RGS22: variants seen among roughly 807,000 people sequenced by gnomAD.
RGS22 encodes regulator of G-protein signaling 22.
Under a neutral mutation model 172.9 loss-of-function variants are expected in RGS22, and 148 were observed. The ratio of observed to expected loss-of-function variants is 0.86; its 90% CI spans 0.75 to 0.98. RGS22 has a LOEUF of 0.98. Ranked by LOEUF, RGS22 falls within the 50% of genes least tolerant of loss-of-function variation. RGS22 has a pLI of 0.00. For missense variants in RGS22, 1,347 were observed against 1,440.8 expected (o/e 0.93, Z 1.05); for synonymous variants, 458 against 480.2 (o/e 0.95, Z 0.60).
chr8:100,009,147 G>A (rs1265898779), intron 14 of RGS22, among the ~76,000 whole-genome samples: 1 of 152,086 alleles, frequency 6.6e-6, no homozygotes, highest in Non-Finnish European at 1.5e-5. Flanking sequence ...GCCAGGTGCA[G>A]TGGCTCATGC....
chr8:100,100,112 C>T (rs3116077), intron 2 of RGS22, among the ~76,000 whole-genome samples: 24,910 of 151,984 alleles, frequency 0.16, 2,743 homozygotes, highest in African/African-American at 0.31. Context: ...CCCCCACAGA[C>T]ACTGAAATCT....
At chr8:99,985,585 A>G (rs1588906790) in intron 21 of RGS22, among the ~76,000 whole-genome samples, 1 of 152,206 alleles carries the variant, frequency 6.6e-6, no homozygotes. Flanking sequence ...AGTGTGTTGT[A>G]TTCACCTTTT....
intron 10 of RGS22, among the ~76,000 whole-genome samples, chr8:100,051,902 TATTTATATATTTATATATAA>T (rs1821583777): frequency 1.8e-5 from 1 of 55,930 alleles, no homozygotes; most frequent in Admixed American, 3.7e-4. Context: ...AATGTTTATA[TATTTATATATTTATATATAA>T]ATGTTTATAT....
chr8:99,961,345 A>G (rs1810168468), intron 27 of RGS22, 149 bp from the exon 28 acceptor site: 1 of 349,796 alleles, frequency 2.9e-6, no homozygotes, highest in African/African-American at 2.1e-5. Flanking sequence ...AGTTCCCATA[A>G]TTCCCACATG....
chr8:99,996,898 T>C (rs1373205588), intron 19 of RGS22, among the ~76,000 whole-genome samples: 1 of 152,210 alleles, frequency 6.6e-6, no homozygotes, highest in Non-Finnish European at 1.5e-5. Flanking sequence ...TAAAAGTTAC[T>C]CAACATGGAA....
intron 23 of RGS22, among the ~76,000 whole-genome samples, chr8:99,966,373 C>T (rs1810734919): frequency 6.6e-6 from 1 of 151,918 alleles, no homozygotes; most frequent in Non-Finnish European, 1.5e-5. Flanking sequence ...CAGACTTTAC[C>T]ACACACAACA....
Position 100,080,275 on chromosome 8 carries a change from T to A in RGS22, c.198A>T (p.Lys66Asn), listed in dbSNP as rs748929973. Residue 66 changes from lysine to asparagine, a missense_variant, in exon 4 of 28, where the codon AAA (lysine) becomes AAT (asparagine). By Grantham distance (94) the Lys-to-Asn change is moderately conservative. Coordinates refer to ENST00000360863, the MANE Select transcript of RGS22 (RefSeq NM_015668.5). ...GGTTTTGTAGAATTTTTTTCAGTTGTTTTTCCAGAAATTGTGGAGCATCAT... is the reference window on the plus strand; with the variant it reads ...GGTTTTGTAGAATTTTTTTCAGTTGATTTTCCAGAAATTGTGGAGCATCAT... ...VANDAPQFLE[K>N]QLKKILQNQQ... 1.2e-6 allele frequency: 2 copies of A among 1,613,922 alleles called. No individual in the cohort carries two copies. Among genetic ancestry groups the A allele is most frequent in the Non-Finnish European group, 1.7e-6 (2 of 1,179,850 alleles).
intron 4 of RGS22, among the ~76,000 whole-genome samples, chr8:100,074,924 C>T (rs533179899): frequency 3.9e-5 from 6 of 152,078 alleles, no homozygotes; most frequent in East Asian, 3.9e-4. Flanking sequence ...CCCACCACCA[C>T]GCCCGGCTAA....
chr8:99,982,373 G>A (rs1310482680), intron 21 of RGS22, among the ~76,000 whole-genome samples: 1 of 152,106 alleles, frequency 6.6e-6, no homozygotes, highest in Non-Finnish European at 1.5e-5. Flanking sequence ...CTAGGCAAAG[G>A]AATGACATTA....
At chr8:99,961,823 C>G (rs1313370530) in intron 27 of RGS22, among the ~76,000 whole-genome samples, 1 of 152,106 alleles carries the variant, frequency 6.6e-6, no homozygotes, top group Non-Finnish European at 1.5e-5. Flanking sequence ...GCCTACTCAT[C>G]AAACCTCCCA....
rs1810383291 is a variant in RGS22 at position 99,963,063 on chromosome 8, T to C, written c.3616-85A>G. 4 of 1,073,952 alleles carry C rather than the reference T, an allele frequency of 3.7e-6. No individual in the cohort carries two copies. In the East Asian group the frequency reaches 1.1e-4, roughly 29 times the overall value. 66.5% of individuals were successfully genotyped at this position (1,073,952 alleles called of 1,614,324 possible). ...GATAAGATGTCTTCTATCAGCCTCT[T>C]CATTTAAATTTTTATTAAAGTATAA... On this transcript the variant is annotated intron_variant, in intron 24 of 27. Transcript: ENST00000360863.
intron 6 of RGS22, 146 bp downstream of exon 6, chr8:100,071,223 G>T: frequency 1.7e-6 from 1 of 606,022 alleles, no homozygotes; most frequent in Non-Finnish European, 2.6e-6. Flanking sequence ...GGGAGATGGA[G>T]GCTGCAGTGA....
intron 12 of RGS22, 103 bp from the exon 13 acceptor site, chr8:100,040,190 C>A: frequency 1.0e-6 from 1 of 996,838 alleles, no homozygotes; most frequent in East Asian, 2.7e-5. Flanking sequence ...TGTCATTTTC[C>A]CACTGGACTA....
chr8:100,049,655 G>A (rs1225401170), intron 10 of RGS22, among the ~76,000 whole-genome samples: 1 of 152,116 alleles, frequency 6.6e-6, no homozygotes, highest in Non-Finnish European at 1.5e-5. Flanking sequence ...CTGTACTACA[G>A]CTCCAAGATG....
At chr8:100,031,628 TA>T (rs1200376989) in intron 14 of RGS22, among the ~76,000 whole-genome samples, 1 of 152,114 alleles carries the variant, frequency 6.6e-6, no homozygotes, top group Non-Finnish European at 1.5e-5. Flanking sequence ...TACGTTTACT[TA>T]TTTTTATTTA....
intron 2 of RGS22, among the ~76,000 whole-genome samples, chr8:100,094,386 TG>T (rs1218287151): frequency 6.6e-6 from 1 of 152,218 alleles, no homozygotes; most frequent in Admixed American, 6.5e-5. Context: ...CTTTTTATAC[TG>T]GCCAATTTTT....
At chr8:100,033,891 A>C (rs1292468779) in intron 14 of RGS22, among the ~76,000 whole-genome samples, 1 of 152,230 alleles carries the variant, frequency 6.6e-6, no homozygotes, top group African/African-American at 2.4e-5. Context: ...AGATGCAGGA[A>C]AGGTCTTGGA....
chr8:100,090,682 T>C (rs1252168737), intron 3 of RGS22, among the ~76,000 whole-genome samples: 1 of 152,064 alleles, frequency 6.6e-6, no homozygotes, highest in African/African-American at 2.4e-5. Flanking sequence ...ACAGAAGGGA[T>C]TTAAGTCAAG....
intron 20 of RGS22, among the ~76,000 whole-genome samples, chr8:99,989,514 C>A (rs1301516679): frequency 6.6e-6 from 1 of 152,110 alleles, no homozygotes; most frequent in African/African-American, 2.4e-5. Context: ...TGCCTGAGAG[C>A]AGCGTACAGT....
Sources: gnomAD v4.1 joint callset for allele counts (sites outside exome capture counted in the v4.1 genomes callset) on GRCh38, gnomAD v4.1.1 for gene constraint, MANE v1.5 for transcripts, NCBI Gene and HGNC (gene_info 2026-07-23, HGNC 2026-07-21) for gene names.